Variants in MYO9A observed in about 807,000 individuals in gnomAD.
MYO9A encodes the protein myosin IXA, also known as unconventional myosin-IXa.
MYO9A carries 103 observed loss-of-function variants against 293.3 expected under a neutral mutation model. The ratio of observed to expected loss-of-function variants is 0.35; its 90% CI spans 0.30 to 0.41. MYO9A has a LOEUF of 0.41. Among genes scored for constraint, MYO9A ranks in the 10% least tolerant of loss-of-function variants. MYO9A has a pLI of 1.00. For synonymous variants in MYO9A, 1,001 were observed against 1,035.7 expected, an observed-to-expected ratio of 0.97 and a Z score of 0.64; for missense variants, 2,685 against 3,033.0, an observed-to-expected ratio of 0.89 and a Z score of 2.69.
At chr15:72,045,624 A>G (rs2078363312) in intron 2 of MYO9A, 100 bp downstream of exon 2, 1 of 1,306,956 alleles carries the variant, frequency 7.7e-7, no homozygotes, top group Non-Finnish European at 1.0e-6. Context: ...TACTCCACAC[A>G]TCGACCTGGT....
rs112324275 is a variant in MYO9A, at chr15:72,077,046, C to G, written c.-71-30412G>C. Among the ~76,000 whole-genome samples the G allele has an allele frequency of 5.1e-3, 767 of 150,336 alleles. 6 individuals are homozygous for G. Among genetic ancestry groups the G allele is most frequent in the African/African-American group, 0.017 (693 of 41,048 alleles). On this transcript the variant is annotated intron_variant, in intron 1 of 41. Transcript: ENST00000356056. ...ACATCCAAAAAAAAAAAAATCTCAACACAGACCTTACACGTTTCACCAAAA... is the reference window on the plus strand; with the variant it reads ...ACATCCAAAAAAAAAAAAATCTCAAGACAGACCTTACACGTTTCACCAAAA...
Position 71,994,481 on chromosome 15 carries a change from C to T in MYO9A, c.1575G>A (p.Glu525=), listed in dbSNP as rs771466687. The change falls in exon 10 of 42, where the codon GAG becomes GAA. Residue 525 remains glutamate (E), a synonymous_variant. Transcript: ENST00000356056. ...AATATATCATTACCTTGGTATTATG[C>T]TCTAAATCTTTACTATTCAGAAGTG... is the stretch of plus-strand genomic sequence containing the variant. ...NHALLNSKDL[E]HNTKTLSIGV... is the part of the protein sequence containing the mutation. The T allele has an allele frequency of 1.3e-6, 2 of 1,582,694 alleles. No individual in the cohort carries two copies. The highest frequency in any genetic ancestry group is 1.4e-5 in the African/African-American group (1 of 73,848).
At chr15:71,894,072 T>G (rs1247388387) in intron 25 of MYO9A, among the ~76,000 whole-genome samples, 2 of 152,188 alleles carry the variant, frequency 1.3e-5, no homozygotes, top group Non-Finnish European at 2.9e-5. Context: ...ATAGATCTGA[T>G]GATGGGGAAA....
intron 27 of MYO9A, 87 bp downstream of exon 27, chr15:71,887,917 G>GT (rs200618377): frequency 0.011 from 7,954 of 723,608 alleles, 91 homozygotes; most frequent in African/African-American, 0.024. Context: ...ATCAATTATG[G>GT]TTTTTTTAAA....
chr15:71,927,575 T>C (rs1327925223), intron 18 of MYO9A, among the ~76,000 whole-genome samples: 1 of 152,152 alleles, frequency 6.6e-6, no homozygotes, highest in Non-Finnish European at 1.5e-5. Flanking sequence ...AACCCACAGG[T>C]ACAAAAAGTT....
At chr15:71,932,313 G>A (rs1421690399) in intron 18 of MYO9A, among the ~76,000 whole-genome samples, 1 of 152,032 alleles carries the variant, frequency 6.6e-6, no homozygotes, top group Non-Finnish European at 1.5e-5. Context: ...GTTTTCAGTG[G>A]TCTAGAGACT....
intron 14 of MYO9A, among the ~76,000 whole-genome samples, chr15:71,956,320 AAAAAAAAAAAATATAT>A (rs1188825767): frequency 1.7e-4 from 3 of 17,464 alleles, no homozygotes; most frequent in Admixed American, 1.4e-3. Flanking sequence ...TAAAAAAAAA[AAAAAAAAAAAATATAT>A]ATATATATAT....
At chr15:72,006,205 C>T (rs187322230) in intron 8 of MYO9A, among the ~76,000 whole-genome samples, 1 of 152,218 alleles carries the variant, frequency 6.6e-6, no homozygotes, top group East Asian at 1.9e-4. Flanking sequence ...TACCAAGCAA[C>T]TGGGACTACA....
intron 39 of MYO9A, among the ~76,000 whole-genome samples, chr15:71,832,958 C>T (rs2140709156): frequency 6.6e-6 from 1 of 151,886 alleles, no homozygotes; most frequent in South Asian, 2.1e-4. Context: ...CTGTTTTCAC[C>T]ATTTGGTTAA....
intron 1 of MYO9A, among the ~76,000 whole-genome samples, chr15:72,054,820 T>C (rs1268180335): frequency 6.6e-6 from 1 of 150,498 alleles, no homozygotes; most frequent in African/African-American, 2.5e-5. Context: ...AAAGAAGGTC[T>C]AACTGGTAAG....
chr15:72,025,413 T>C (rs2077633752), intron 4 of MYO9A, among the ~76,000 whole-genome samples: 1 of 151,936 alleles, frequency 6.6e-6, no homozygotes, highest in Non-Finnish European at 1.5e-5. Context: ...CAGACTGGAG[T>C]GCAGTGGCGA....
chr15:71,856,482 T>C (rs918397196), intron 34 of MYO9A, among the ~76,000 whole-genome samples: 10 of 151,656 alleles, frequency 6.6e-5, no homozygotes, highest in Non-Finnish European at 1.5e-4. Context: ...AACCTTAGTG[T>C]TGGAAAGCAA....
chr15:72,103,462 A>C (rs144805743), intron 1 of MYO9A, among the ~76,000 whole-genome samples: 1,926 of 149,172 alleles, frequency 0.013, 39 homozygotes, highest in East Asian at 0.087. Flanking sequence ...GCAGAAGAAG[A>C]AGCAGCAGCA....
At chr15:71,852,914 G>A (rs779151523) in intron 35 of MYO9A, among the ~76,000 whole-genome samples, 13 of 152,108 alleles carry the variant, frequency 8.5e-5, no homozygotes, top group Admixed American at 5.2e-4. Context: ...CCTGGCCAAC[G>A]TGGTGAGACC....
intron 2 of MYO9A, 101 bp downstream of exon 2, chr15:72,045,623 C>T: frequency 7.7e-7 from 1 of 1,298,328 alleles, no homozygotes; most frequent in Non-Finnish European, 1.0e-6. Context: ...CTACTCCACA[C>T]ATCGACCTGG....
chr15:71,838,212 C>CTCTT (rs2055015258), intron 39 of MYO9A, among the ~76,000 whole-genome samples: 2 of 152,154 alleles, frequency 1.3e-5, no homozygotes, highest in South Asian at 4.2e-4. Context: ...ATAGGAGCTT[C>CTCTT]TCTTTATTAA....
rs1213501673 is a variant in MYO9A, at chr15:72,072,573, C to T, written c.-71-25939G>A. ...TACACAAAATAGAATATCACACTAC[C>T]ATAAAAAATAATGAAATCATGTCCT... On this transcript the variant is annotated intron_variant, in intron 1 of 41. Coordinates refer to ENST00000356056, the MANE Select transcript of MYO9A (RefSeq NM_006901.4). Among the ~76,000 whole-genome samples the T allele has an allele frequency of 2.6e-5, 4 of 152,244 alleles. No individual in the cohort carries two copies. In the South Asian group the frequency reaches 8.3e-4, roughly 32 times the overall value.
Position 71,911,883 on chromosome 15 carries a change from C to G in MYO9A, c.2685+4487G>C, listed in dbSNP as rs544686596. On this transcript the variant is annotated intron_variant, in intron 19 of 41. Coordinates refer to ENST00000356056, the MANE Select transcript of MYO9A (RefSeq NM_006901.4). ...GAGTATAGTGAAGGTGGTAATTTAC[C>G]ACAAAAGGCTGAAATAATACAGAAA... Among the ~76,000 whole-genome samples the G allele has an allele frequency of 2.6e-5, 4 of 152,268 alleles. No individual in the cohort carries two copies. The East Asian group carries it at 7.7e-4, about 29-fold the overall frequency.
intron 19 of MYO9A, among the ~76,000 whole-genome samples, chr15:71,907,699 G>A (rs1258400810): frequency 2.6e-5 from 4 of 151,154 alleles, no homozygotes; most frequent in Admixed American, 1.3e-4. Context: ...GGCCAGTGAT[G>A]GTGAGCATTT....
Sources: gnomAD v4.1 joint callset for allele counts (sites outside exome capture counted in the v4.1 genomes callset) on GRCh38, gnomAD v4.1.1 for gene constraint, MANE v1.5 for transcripts, NCBI Gene and HGNC (gene_info 2026-07-23, HGNC 2026-07-21) for gene names.